PBX4: variants seen among roughly 807,000 people sequenced by gnomAD.
PBX4 encodes the protein pre-B-cell leukemia transcription factor 4.
In PBX4, 26 loss-of-function variants were observed where a neutral mutation model predicts 35.1. The ratio of observed to expected loss-of-function variants is 0.74; its 90% CI spans 0.54 to 1.03. PBX4 has a LOEUF of 1.03. Among genes scored for constraint, PBX4 ranks in the 50% least tolerant of loss-of-function variants. The probability of loss-of-function intolerance (pLI) is 0.00; values close to 1 mark genes in which losing one functional copy is unlikely to be tolerated. For synonymous variants in PBX4, 199 were observed against 204.2 expected (o/e 0.97, Z 0.22); for missense variants, 448 against 504.3 (o/e 0.89, Z 1.07).
At chr19:19,617,612 C>A (rs2061695024) in intron 1 of PBX4, among the ~76,000 whole-genome samples, 1 of 152,078 alleles carries the variant, frequency 6.6e-6, no homozygotes, top group Non-Finnish European at 1.5e-5. Flanking sequence ...CATTCCCTCC[C>A]CTAAATCATG....
intron 5 of PBX4, among the ~76,000 whole-genome samples, chr19:19,565,304 C>T (rs888953818): frequency 1.3e-5 from 2 of 152,182 alleles, no homozygotes; most frequent in Non-Finnish European, 2.9e-5. Flanking sequence ...CTGGAGCTGG[C>T]GTGTCTTAGA....
chr19:19,579,246 G>A (rs2144731107), intron 2 of PBX4, among the ~76,000 whole-genome samples: 1 of 152,118 alleles, frequency 6.6e-6, no homozygotes, highest in South Asian at 2.1e-4. Flanking sequence ...CTACTCAGGA[G>A]GCTGAGGCAG....
intron 2 of PBX4, among the ~76,000 whole-genome samples, chr19:19,592,261 C>T (rs1299730109): frequency 6.6e-6 from 1 of 152,210 alleles, no homozygotes; most frequent in African/African-American, 2.4e-5. Flanking sequence ...GGGACTGTGG[C>T]CCGTATCTGG....
At chr19:19,615,878 A>G (rs2061686473) in intron 1 of PBX4, among the ~76,000 whole-genome samples, 1 of 152,200 alleles carries the variant, frequency 6.6e-6, no homozygotes, top group Non-Finnish European at 1.5e-5. Context: ...CAACAGAGTG[A>G]GAGTCCGTCA....
intron 2 of PBX4, among the ~76,000 whole-genome samples, chr19:19,588,673 C>G (rs192620565): frequency 1.1e-3 from 161 of 152,318 alleles, no homozygotes; most frequent in Non-Finnish European, 1.7e-3. Flanking sequence ...CTACAGTCAC[C>G]ATGAGGTGTG....
chr19:19,564,631 C>T (rs2061329740), intron 6 of PBX4: 3 of 314,302 alleles, frequency 9.5e-6, no homozygotes, highest in Admixed American at 8.7e-5. Flanking sequence ...AAACTCCTGA[C>T]CTCAGGTGAT....
chr19:19,616,724 C>T (rs940207525), intron 1 of PBX4, among the ~76,000 whole-genome samples: 4 of 152,018 alleles, frequency 2.6e-5, no homozygotes, highest in Admixed American at 1.3e-4. Context: ...CGCTCTGTCG[C>T]CCAGGCTGGA....
chr19:19,583,706 T>C (rs540288156), intron 2 of PBX4, among the ~76,000 whole-genome samples: 1 of 152,228 alleles, frequency 6.6e-6, no homozygotes, highest in African/African-American at 2.4e-5. Context: ...CCCAGCACTT[T>C]AGGAGGCTGG....
In PBX4 at chr19:19,562,488, TG is replaced by T. The variant is rs1332072249; in HGVS notation, c.1033-372del. Among the ~76,000 whole-genome samples, 1 of 150,176 alleles carries T rather than the reference TG, an allele frequency of 6.7e-6. No homozygotes were observed. Among genetic ancestry groups the T allele is most frequent in the African/African-American group, 2.5e-5 (1 of 40,760 alleles). The stretch of plus-strand genomic sequence containing the variant: ...CCCGGAGCGTCATGGTGAGACTCGG[TG>T]GGAAAAAGGGGCTCTGAAACCTGGC... On this transcript the variant is annotated intron_variant, in intron 7 of 7. Coordinates refer to ENST00000251203, the MANE Select transcript of PBX4 (RefSeq NM_025245.3). The surrounding 1 kb of genome is among the most constrained non-coding windows in gnomAD (Gnocchi z 4.8).
At chr19:19,593,687 C>A (rs1376259039) in intron 2 of PBX4, among the ~76,000 whole-genome samples, 1 of 152,202 alleles carries the variant, frequency 6.6e-6, no homozygotes, top group African/African-American at 2.4e-5. Context: ...GCTGTCTCAT[C>A]CCTGTCCTAC....
At position 19,568,751 on chromosome 19, in the gene PBX4, C is replaced by CATCTGTATCCCTCAGGGAGCTCACACTCT. The variant is rs2061361294; in HGVS notation, c.768+697_768+698insAGAGTGTGAGCTCCCTGAGGGATACAGAT. The stretch of plus-strand genomic sequence containing the variant: ...TGTATCCCTCAGGGAGCTCACACTC[C>CATCTGTATCCCTCAGGGAGCTCACACTCT]ATCTGTATCCCTCAGGGAGCTCATA... On this transcript the variant is annotated intron_variant, in intron 5 of 7. Transcript: ENST00000251203. Among the ~76,000 whole-genome samples, 2 of 151,676 alleles carry CATCTGTATCCCTCAGGGAGCTCACACTCT rather than the reference C, an allele frequency of 1.3e-5. 1 individual carries two copies.
rs1302225183 is a variant in PBX4 at position 19,562,406 on chromosome 19, G to A, written c.1033-289C>T. ...ACTGACTGGCATCGGGTACAACAAG[G>A]GCTCCTGCCCGGCGAGGGGCAGGGA... is the stretch of plus-strand genomic sequence containing the variant. On this transcript the variant is annotated intron_variant, in intron 7 of 7. Coordinates refer to ENST00000251203, the MANE Select transcript of PBX4 (RefSeq NM_025245.3). This position sits in a 1 kb window ranked among gnomAD's most constrained non-coding sequence, Gnocchi z 4.8. Among the ~76,000 whole-genome samples, 1 of 152,174 alleles carries A rather than the reference G, an allele frequency of 6.6e-6. No individual in the cohort carries two copies. Among genetic ancestry groups the A allele is most frequent in the Non-Finnish European group, 1.5e-5 (1 of 68,032 alleles).
rs2061315988 is a variant in PBX4, at chr19:19,562,811, A to G, written c.1033-694T>C. On this transcript the variant is annotated intron_variant, in intron 7 of 7. Coordinates refer to ENST00000251203, the MANE Select transcript of PBX4 (RefSeq NM_025245.3). This position sits in a 1 kb window ranked among gnomAD's most constrained non-coding sequence, Gnocchi z 4.8. The stretch of plus-strand genomic sequence containing the variant: ...GTCAGGTCCCAGGGGTGCAAAGGGC[A>G]AGGTGAGGCCCCTCACGTGTGTCCC... Among the ~76,000 whole-genome samples the G allele has an allele frequency of 6.6e-6, 1 of 152,156 alleles. No homozygotes were observed. The highest frequency in any genetic ancestry group is 2.4e-5 in the African/African-American group (1 of 41,444).
At chr19:19,596,413 T>C in intron 2 of PBX4, among the ~76,000 whole-genome samples, 1 of 152,080 alleles carries the variant, frequency 6.6e-6, no homozygotes, top group East Asian at 1.9e-4. Flanking sequence ...GATATCATAA[T>C]GAACTCATGG....
intron 2 of PBX4, among the ~76,000 whole-genome samples, chr19:19,584,924 G>A (rs2061479801): frequency 6.6e-6 from 1 of 151,956 alleles, no homozygotes; most frequent in Non-Finnish European, 1.5e-5. Flanking sequence ...CTGGCCCAAG[G>A]GCTGTTTTAT....
At position 19,569,861 on chromosome 19, in the gene PBX4, G is replaced by A. The variant is rs572347020; in HGVS notation, c.632+248C>T. Among the ~76,000 whole-genome samples the A allele has an allele frequency of 2.0e-5, 3 of 152,288 alleles. No homozygotes were observed. In the South Asian group the frequency reaches 6.2e-4, roughly 32 times the overall value. On this transcript the variant is annotated intron_variant, in intron 4 of 7. Transcript: ENST00000251203. ...GGAGGCGGAGGTTGTGGTGAGTGGAGATCGCACCACTGCACTCCAGCCTGG... is the reference window on the plus strand; with the variant it reads ...GGAGGCGGAGGTTGTGGTGAGTGGAAATCGCACCACTGCACTCCAGCCTGG...
intron 2 of PBX4, among the ~76,000 whole-genome samples, chr19:19,590,265 G>T (rs957372624): frequency 6.6e-6 from 1 of 152,004 alleles, no homozygotes; most frequent in African/African-American, 2.4e-5. Flanking sequence ...GAGTCTTCCT[G>T]TCTCTATGGA....
intron 1 of PBX4, among the ~76,000 whole-genome samples, chr19:19,609,388 A>G (rs2061649757): frequency 6.6e-6 from 1 of 151,822 alleles, no homozygotes; most frequent in Non-Finnish European, 1.5e-5. Flanking sequence ...CGTCTCTACT[A>G]AAAATACAAA....
At chr19:19,578,398 C>T (rs1484802339) in intron 2 of PBX4, among the ~76,000 whole-genome samples, 2 of 152,090 alleles carry the variant, frequency 1.3e-5, no homozygotes, top group African/African-American at 4.8e-5. Flanking sequence ...CTGATGCTGG[C>T]CTAATTATGG....
Sources: allele counts gnomAD v4.1 joint callset (sites outside exome capture counted in the v4.1 genomes callset), GRCh38; gene constraint gnomAD v4.1.1; non-coding constraint Gnocchi (gnomAD v3.1); transcripts MANE v1.5; gene names NCBI Gene and HGNC (gene_info 2026-07-23, HGNC 2026-07-21).